EXT1: variants seen among roughly 807,000 people sequenced by gnomAD.
EXT1 encodes exostosin-1.
In EXT1, 20 loss-of-function variants were observed where a neutral mutation model predicts 82.5. The observed-to-expected ratio is 0.24, with a 90% CI of 0.17 to 0.35. The LOEUF is 0.35. Among genes scored for constraint, EXT1 ranks in the 10% least tolerant of loss-of-function variants. The pLI is 1.00. For synonymous variants in EXT1, 348 were observed against 350.8 expected (o/e 0.99, Z 0.09); for missense variants, 757 against 936.5 (o/e 0.81, Z 2.50).
intron 1 of EXT1, among the ~76,000 whole-genome samples, chr8:117,983,923 A>C (rs763628710): frequency 5.3e-5 from 8 of 152,202 alleles, no homozygotes; most frequent in Admixed American, 2.0e-4. Context: ...GAATCTTCAG[A>C]GAGTTGTAGT....
At chr8:118,002,988 T>G (rs1032531215) in intron 1 of EXT1, among the ~76,000 whole-genome samples, 2 of 152,034 alleles carry the variant, frequency 1.3e-5, no homozygotes, top group African/African-American at 4.8e-5. Context: ...CAAACGCCCA[T>G]CAGTCAACGA....
chr8:117,879,432 T>C (rs2129915436), intron 1 of EXT1, among the ~76,000 whole-genome samples: 1 of 152,136 alleles, frequency 6.6e-6, no homozygotes, highest in South Asian at 2.1e-4. Context: ...CAATCATTCC[T>C]TTCCACATGA....
chr8:118,035,709 G>A (rs908608058), intron 1 of EXT1, among the ~76,000 whole-genome samples: 20 of 151,890 alleles, frequency 1.3e-4, no homozygotes, highest in Admixed American at 1.3e-3. Flanking sequence ...CACGATTTTC[G>A]GAAACACAAT....
intron 1 of EXT1, among the ~76,000 whole-genome samples, chr8:117,942,856 T>C (rs926529810): frequency 2.0e-5 from 3 of 152,178 alleles, no homozygotes; most frequent in African/African-American, 4.8e-5. Flanking sequence ...GTTGAATAAA[T>C]TGGATGGCCC....
At chr8:117,839,845 C>G (rs529171144) in intron 1 of EXT1, among the ~76,000 whole-genome samples, 14 of 152,180 alleles carry the variant, frequency 9.2e-5, no homozygotes, top group Non-Finnish European at 2.1e-4. Flanking sequence ...CAGACACTGT[C>G]CCATTTCAAC....
At chr8:117,860,791 A>T (rs1414586418) in intron 1 of EXT1, among the ~76,000 whole-genome samples, 4 of 152,208 alleles carry the variant, frequency 2.6e-5, no homozygotes. Flanking sequence ...ACGGCAAATT[A>T]GCAGAAGCTG....
intron 1 of EXT1, among the ~76,000 whole-genome samples, chr8:118,064,856 T>A (rs1173530405): frequency 1.6e-5 from 2 of 128,966 alleles, no homozygotes; most frequent in African/African-American, 9.4e-5. Flanking sequence ...TCCTGAATTT[T>A]TTTTTTTTTT....
At chr8:117,988,498 C>T (rs1384718836) in intron 1 of EXT1, among the ~76,000 whole-genome samples, 1 of 152,154 alleles carries the variant, frequency 6.6e-6, no homozygotes, top group African/African-American at 2.4e-5. Context: ...TCAGACCACA[C>T]TTTGAGAACC....
intron 1 of EXT1, among the ~76,000 whole-genome samples, chr8:117,884,459 A>G (rs1261968754): frequency 1.3e-5 from 2 of 152,206 alleles, no homozygotes; most frequent in Admixed American, 1.3e-4. Flanking sequence ...AGATGCAATC[A>G]TTACTGCCAA....
intron 1 of EXT1, among the ~76,000 whole-genome samples, chr8:118,100,944 G>A (rs1321109988): frequency 6.6e-6 from 1 of 152,076 alleles, no homozygotes; most frequent in South Asian, 2.1e-4. Context: ...ACAATGGCTG[G>A]ACTTCCAGGG....
chr8:118,072,277 AG>A (rs1276236457), intron 1 of EXT1, among the ~76,000 whole-genome samples: 1 of 152,224 alleles, frequency 6.6e-6, no homozygotes, highest in African/African-American at 2.4e-5. Context: ...AAAGCAGGAA[AG>A]GACCAATGAT....
intron 1 of EXT1, among the ~76,000 whole-genome samples, chr8:117,973,799 G>GA (rs1442974347): frequency 1.0e-5 from 1 of 98,918 alleles, no homozygotes; most frequent in African/African-American, 4.1e-5. Flanking sequence ...GAAAAGAAAA[G>GA]AGAAAGGAAA....
At chr8:117,962,253 C>A (rs1290095229) in intron 1 of EXT1, among the ~76,000 whole-genome samples, 1 of 152,134 alleles carries the variant, frequency 6.6e-6, no homozygotes, top group Non-Finnish European at 1.5e-5. Flanking sequence ...TTCTATGAAT[C>A]TATGCTATGA....
intron 1 of EXT1, among the ~76,000 whole-genome samples, chr8:117,982,639 C>A (rs17453567): frequency 5.9e-5 from 9 of 151,868 alleles, no homozygotes; most frequent in African/African-American, 2.2e-4. Context: ...TACAGGGGTG[C>A]GCCACCACAC....
chr8:118,073,375 C>T (rs769340293), intron 1 of EXT1, among the ~76,000 whole-genome samples: 4 of 152,186 alleles, frequency 2.6e-5, no homozygotes, highest in Non-Finnish European at 5.9e-5. Flanking sequence ...AATCCCAGCA[C>T]TTTGGGAGGC....
At chr8:117,824,763 AG>A (rs1811982232) in intron 4 of EXT1, among the ~76,000 whole-genome samples, 1 of 152,214 alleles carries the variant, frequency 6.6e-6, no homozygotes, top group Non-Finnish European at 1.5e-5. Context: ...CTTAATGACC[AG>A]TTTAGCAATT....
At position 117,892,914 on chromosome 8, in the gene EXT1, G is replaced by A. The variant is rs143802650; in HGVS notation, c.963-55713C>T. Among the ~76,000 whole-genome samples the A allele has an allele frequency of 6.8e-3, 1,033 of 152,296 alleles. 12 individuals carry two copies. Among genetic ancestry groups the A allele is most frequent in the African/African-American group, 0.024 (987 of 41,566 alleles). ...AGAAAAGGCTCGCTTTTTACTAAGG[G>A]GGAAAACTGCAGAAGCAACATATTG... On this transcript the variant is annotated intron_variant, in intron 1 of 10. Transcript: ENST00000378204.
intron 1 of EXT1, among the ~76,000 whole-genome samples, chr8:118,102,872 C>T (rs144623026): frequency 1.3e-5 from 2 of 151,910 alleles, no homozygotes; most frequent in Non-Finnish European, 1.5e-5. Flanking sequence ...AAGACAAGGT[C>T]GGCCGGGCTT....
intron 1 of EXT1, among the ~76,000 whole-genome samples, chr8:118,029,911 C>T (rs772242976): frequency 1.3e-5 from 2 of 152,196 alleles, no homozygotes. Flanking sequence ...GGTTAAATTA[C>T]AAGTTCAACC....
Sources: gnomAD v4.1 joint callset for allele counts (sites outside exome capture counted in the v4.1 genomes callset) on GRCh38, gnomAD v4.1.1 for gene constraint, MANE v1.5 for transcripts, NCBI Gene and HGNC (gene_info 2026-07-23, HGNC 2026-07-21) for gene names.